The following TMEM181 variants were observed in gnomAD, a reference collection of about 807,000 sequenced individuals.
TMEM181 encodes the protein transmembrane protein 181.
In TMEM181, 39 loss-of-function variants were observed where a neutral mutation model predicts 71.9. The ratio of observed to expected loss-of-function variants is 0.54; its 90% confidence interval spans 0.42 to 0.71. The LOEUF (loss-of-function observed/expected upper bound fraction) is 0.71. TMEM181 is among the 30% of genes least tolerant of loss of function. TMEM181 has a pLI of 0.00. For synonymous variants in TMEM181, 245 were observed against 228.8 expected, an observed-to-expected ratio of 1.07 and a Z score of -0.64; for missense variants, 595 against 583.0, an observed-to-expected ratio of 1.02 and a Z score of -0.21.
chr6:158,626,565 A>C, intron 13 of TMEM181: 1 of 456,586 alleles, frequency 2.2e-6, no homozygotes, highest in South Asian at 1.5e-5. Flanking sequence ...GCGAGGACTG[A>C]GATAGGCATC....
intron 10 of TMEM181, among the ~76,000 whole-genome samples, chr6:158,612,288 C>G (rs988308176): frequency 2.6e-5 from 4 of 152,204 alleles, no homozygotes; most frequent in Non-Finnish European, 5.9e-5. Flanking sequence ...GATGACGGTG[C>G]TCCTGCTCTG....
intron 1 of TMEM181, among the ~76,000 whole-genome samples, chr6:158,541,214 G>A (rs1482451539): frequency 2.0e-5 from 3 of 152,002 alleles, no homozygotes; most frequent in South Asian, 2.1e-4. Flanking sequence ...TCAGGAGTTC[G>A]AGACCAGCCT....
At position 158,608,341 on chromosome 6, in the gene TMEM181, T is replaced by C; in HGVS notation, c.682T>C (p.Phe228Leu). Residue 228 changes from phenylalanine (F) to leucine (L), a missense_variant, in exon 9 of 17, where the codon TTC becomes CTC. Transcript: ENST00000684151. ...TGCCCTTTGTGTTCCAGATCCGTTC[T>C]TCCCCCTCTCCTTCCTGGTCAACAG... ...PLLLLYNDPF[F>L]PLSFLVNSWL... 6.2e-7 allele frequency: 1 copy of C among 1,614,258 alleles called. No individual in the cohort carries two copies. The highest frequency in any genetic ancestry group is 8.5e-7 in the Non-Finnish European group (1 of 1,180,044).
At chr6:158,580,138 C>T (rs1010708174) in intron 2 of TMEM181, among the ~76,000 whole-genome samples, 1 of 152,118 alleles carries the variant, frequency 6.6e-6, no homozygotes, top group African/African-American at 2.4e-5. Context: ...CGAGACCAGC[C>T]TGACCAACAT....
At chr6:158,555,997 C>T (rs1226086779), upstream of TMEM181, among the ~76,000 whole-genome samples, 1 of 152,180 alleles carries the variant, frequency 6.6e-6, no homozygotes, top group Non-Finnish European at 1.5e-5. Flanking sequence ...TTAAATTAGA[C>T]ATGCAGAAAG....
intron 1 of TMEM181, among the ~76,000 whole-genome samples, chr6:158,570,920 G>C (rs1273888391): frequency 6.9e-6 from 1 of 144,440 alleles, no homozygotes; most frequent in Non-Finnish European, 1.5e-5. Flanking sequence ...TGTTAGGTTG[G>C]TTTTTTTTTT....
chr6:158,619,947 A>G (rs1006790614), intron 10 of TMEM181, among the ~76,000 whole-genome samples: 2 of 151,432 alleles, frequency 1.3e-5, no homozygotes, highest in African/African-American at 4.9e-5. Flanking sequence ...AAGCCTGAGT[A>G]TAGGGAACCT....
intron 1 of TMEM181, among the ~76,000 whole-genome samples, chr6:158,569,573 G>C (rs114026893): frequency 6.6e-6 from 1 of 151,966 alleles, no homozygotes; most frequent in African/African-American, 2.4e-5. Context: ...TGCCTGGGGC[G>C]GGTTGTGCCC....
At chr6:158,537,345 C>T (rs1018771369) in intron 1 of TMEM181, among the ~76,000 whole-genome samples, 5 of 152,116 alleles carry the variant, frequency 3.3e-5, no homozygotes, top group African/African-American at 1.2e-4. Context: ...TGCAGGACGC[C>T]TCGGAGGCGG....
At chr6:158,592,984 A>C (rs1490132614) in intron 6 of TMEM181, among the ~76,000 whole-genome samples, 1 of 152,210 alleles carries the variant, frequency 6.6e-6, no homozygotes, top group African/African-American at 2.4e-5. Context: ...ATGCAAGGAC[A>C]CAAGTTTTCT....
At chr6:158,597,788 G>C (rs1351838105) in intron 6 of TMEM181, among the ~76,000 whole-genome samples, 1 of 152,124 alleles carries the variant, frequency 6.6e-6, no homozygotes, top group Admixed American at 6.5e-5. Flanking sequence ...TTACAGGTGT[G>C]AGCCACTGCA....
intron 1 of TMEM181, among the ~76,000 whole-genome samples, chr6:158,544,182 A>AGAGAGAGAGAGAGTGTGTGTGTGTGT (rs149735409): frequency 3.1e-5 from 4 of 127,648 alleles, no homozygotes; most frequent in South Asian, 5.3e-4. Context: ...AATTGGAGAG[A>AGAGAGAGAGAGAGTGTGTGTGTGTGT]GTGTGTGTGT....
intron 1 of TMEM181, among the ~76,000 whole-genome samples, chr6:158,561,106 C>T (rs911498644): frequency 1.3e-5 from 2 of 152,258 alleles, no homozygotes. Context: ...GGCCTGGGCG[C>T]GCTTCTTGGC....
intron 6 of TMEM181, among the ~76,000 whole-genome samples, chr6:158,590,731 G>A (rs773534186): frequency 6.6e-6 from 1 of 152,224 alleles, no homozygotes; most frequent in Non-Finnish European, 1.5e-5. Context: ...CAAAGTGCTG[G>A]GATTGCAGGC....
At chr6:158,617,112 C>G (rs1003783407) in intron 10 of TMEM181, among the ~76,000 whole-genome samples, 1 of 152,150 alleles carries the variant, frequency 6.6e-6, no homozygotes, top group Non-Finnish European at 1.5e-5. Context: ...CCGTCTGGTC[C>G]TGGACTTTTT....
chr6:158,611,954 A>G (rs778188082), intron 10 of TMEM181, among the ~76,000 whole-genome samples: 1 of 143,898 alleles, frequency 6.9e-6, no homozygotes. Context: ...GTTCCCATAC[A>G]ACTCCCTGCA....
intron 10 of TMEM181, among the ~76,000 whole-genome samples, chr6:158,622,871 C>T (rs1562313399): frequency 6.6e-6 from 1 of 152,180 alleles, no homozygotes; most frequent in Non-Finnish European, 1.5e-5. Context: ...CACTGTCCAC[C>T]GATGCTCTGC....
At chr6:158,564,217 T>A (rs1782351599) in intron 1 of TMEM181, among the ~76,000 whole-genome samples, 1 of 152,162 alleles carries the variant, frequency 6.6e-6, no homozygotes, top group Non-Finnish European at 1.5e-5. Flanking sequence ...AAGGAAAGAT[T>A]TTAGTGAGGG....
chr6:158,599,857 C>T (rs1784574447), intron 6 of TMEM181, among the ~76,000 whole-genome samples: 1 of 152,266 alleles, frequency 6.6e-6, no homozygotes, highest in Non-Finnish European at 1.5e-5. Context: ...GAGCTGTCAG[C>T]TGGGCTGGCC....
Sources: allele counts gnomAD v4.1 joint callset (sites outside exome capture counted in the v4.1 genomes callset), GRCh38; gene constraint gnomAD v4.1.1; transcripts MANE v1.5; gene names NCBI Gene and HGNC (gene_info 2026-07-23, HGNC 2026-07-21).